Variants in ARHGEF10 observed in about 807,000 individuals in gnomAD.
The protein encoded by ARHGEF10 is Rho guanine nucleotide exchange factor (GEF) 10.
Under a neutral mutation model 147.4 loss-of-function variants are expected in ARHGEF10, and 140 were observed. The ratio of observed to expected loss-of-function variants is 0.95; its 90% CI spans 0.83 to 1.09. The LOEUF is 1.09. Among genes scored for constraint, ARHGEF10 ranks in the 50% least tolerant of loss-of-function variants. The pLI, the probability that ARHGEF10 is intolerant of heterozygous loss-of-function variation, is 0.00. For missense variants in ARHGEF10, 2,222 were observed against 1,752.7 expected (o/e 1.27, Z -4.78); for synonymous variants, 902 against 695.8 (o/e 1.30, Z -4.67).
intron 27 of ARHGEF10, among the ~76,000 whole-genome samples, chr8:1,947,933 ACAGTCCTGCACCCACC>A (rs1041032059): frequency 6.6e-6 from 1 of 151,840 alleles, no homozygotes; most frequent in Non-Finnish European, 1.5e-5. Context: ...AGCACCCAAC[ACAGTCCTGCACCCACC>A]CAGAAACAGA....
chr8:1,944,971 C>T (rs188119051), intron 26 of ARHGEF10, among the ~76,000 whole-genome samples: 92 of 152,386 alleles, frequency 6.0e-4, no homozygotes, highest in African/African-American at 2.2e-3. Context: ...AGCTGCGGGG[C>T]TGCAGCTGAG....
intron 15 of ARHGEF10, among the ~76,000 whole-genome samples, chr8:1,900,392 C>T (rs768061623): frequency 7.9e-5 from 12 of 152,062 alleles, no homozygotes; most frequent in South Asian, 4.1e-4. Context: ...AACTGAGTTA[C>T]GCTCTAGGAA....
chr8:1,876,025 A>G (rs1807668324), intron 7 of ARHGEF10: 1 of 162,062 alleles, frequency 6.2e-6, no homozygotes, highest in Non-Finnish European at 1.4e-5. Flanking sequence ...TTCATTCTCT[A>G]AAAGTCTTGT....
chr8:1,851,887 G>A (rs935597433), intron 2 of ARHGEF10, among the ~76,000 whole-genome samples: 9 of 151,224 alleles, frequency 6.0e-5, no homozygotes, highest in South Asian at 2.1e-4. Context: ...GCACTCCAGC[G>A]CGGGCAACAG....
Position 1,926,387 on chromosome 8 carries a change from C to T in ARHGEF10, c.2621C>T (p.Ala874Val). 6.2e-7 allele frequency: 1 copy of T among 1,613,780 alleles called. No homozygotes were observed. Among genetic ancestry groups the T allele is most frequent in the Non-Finnish European group, 8.5e-7 (1 of 1,179,694 alleles). The part of the protein sequence containing the change: ...AKQQEFKIEC[A>V]AYNPEPYLNN... ...TTTATTCCATTTTAGATTGAATGTG[C>T]TGCTTATAACCCTGAACCTTACCTA... Residue 874 changes from alanine to valine, a missense_variant, in exon 23 of 29, where the codon GCT (alanine) becomes GTT (valine). By Grantham distance (64) the Ala-to-Val change is moderately conservative. Coordinates refer to ENST00000349830, the MANE Select transcript of ARHGEF10 (RefSeq NM_014629.4).
intron 25 of ARHGEF10, among the ~76,000 whole-genome samples, chr8:1,932,327 G>A (rs1464631454): frequency 6.6e-6 from 1 of 152,246 alleles, no homozygotes; most frequent in South Asian, 2.1e-4. Context: ...GTATGCACAC[G>A]TGATTGTGAG....
chr8:1,938,904 A>G, intron 26 of ARHGEF10, among the ~76,000 whole-genome samples: 1 of 149,634 alleles, frequency 6.7e-6, no homozygotes, highest in Non-Finnish European at 1.5e-5. Flanking sequence ...AACACTGTGG[A>G]ATCCCAGTCC....
intron 18 of ARHGEF10, among the ~76,000 whole-genome samples, chr8:1,915,862 C>T (rs1210911144): frequency 1.3e-5 from 2 of 152,244 alleles, no homozygotes; most frequent in South Asian, 2.1e-4. Context: ...ATTCTCATTC[C>T]TAACGGCCTG....
intron 6 of ARHGEF10, among the ~76,000 whole-genome samples, chr8:1,867,016 CTT>C (rs78899210): frequency 1.4e-4 from 19 of 137,816 alleles, no homozygotes; most frequent in Non-Finnish European, 2.5e-4. Context: ...GTGGGCCTCC[CTT>C]TTTTTTTTTT....
At chr8:1,897,951 A>G (rs548661666) in intron 14 of ARHGEF10, among the ~76,000 whole-genome samples, 4 of 152,268 alleles carry the variant, frequency 2.6e-5, no homozygotes, top group Admixed American at 2.0e-4. Context: ...TCCACTGCAC[A>G]GCCCCCTCAG....
At chr8:1,878,084 C>G (rs921176256) in intron 8 of ARHGEF10, among the ~76,000 whole-genome samples, 1 of 152,162 alleles carries the variant, frequency 6.6e-6, no homozygotes, top group Non-Finnish European at 1.5e-5. Flanking sequence ...AGTCAGCTCA[C>G]CTACCCAGTT....
intron 18 of ARHGEF10, among the ~76,000 whole-genome samples, chr8:1,913,746 C>T (rs1811549178): frequency 6.6e-6 from 1 of 152,238 alleles, no homozygotes; most frequent in Admixed American, 6.5e-5. Flanking sequence ...TGCTCTGGCC[C>T]ATTCCGCTTT....
At chr8:1,894,201 C>T (rs190457311) in intron 12 of ARHGEF10, among the ~76,000 whole-genome samples, 192 bp from the exon 13 acceptor site, 405 of 150,492 alleles carry the variant, frequency 2.7e-3, no homozygotes, top group Middle Eastern at 0.01. Flanking sequence ...ATGTCTGAAG[C>T]AGCCATGCCC....
intron 26 of ARHGEF10, 106 bp downstream of exon 26, chr8:1,934,048 C>T (rs1414710525): frequency 6.7e-7 from 1 of 1,499,098 alleles, no homozygotes; most frequent in Non-Finnish European, 9.2e-7. Flanking sequence ...GCTAAATTTC[C>T]TTCTAGCCGG....
rs1427329558 is a variant in ARHGEF10, at chr8:1,914,245, G to A, written c.2143+4775G>A. On this transcript the variant is annotated intron_variant, in intron 18 of 28. Transcript: ENST00000349830. Reference sequence around the variant, plus strand: ...GAGCTGTATTTTTAAAACGTGAAACGGTTCCTCATGAGGCTCCCCTGAGCT... The same window carrying A: ...GAGCTGTATTTTTAAAACGTGAAACAGTTCCTCATGAGGCTCCCCTGAGCT... Among the ~76,000 whole-genome samples the A allele has an allele frequency of 2.0e-5, 3 of 152,208 alleles. No homozygotes were observed. The East Asian group carries it at 5.8e-4, about 29-fold the overall frequency.
In ARHGEF10 at chr8:1,885,002, C is replaced by A. The variant is rs994799553; in HGVS notation, c.1076-599C>A. Reference sequence around the variant, plus strand: ...CTGGTCTTGAGCTCCTAGGCTCAAGCGATTCTACCATCTCGGTCTCCCAAA... The same window carrying A: ...CTGGTCTTGAGCTCCTAGGCTCAAGAGATTCTACCATCTCGGTCTCCCAAA... On this transcript the variant is annotated intron_variant, in intron 10 of 28. Transcript: ENST00000349830. Among the ~76,000 whole-genome samples the A allele has an allele frequency of 2.6e-5, 4 of 152,136 alleles. No individual in the cohort carries two copies. The East Asian group carries it at 5.8e-4, about 22-fold the overall frequency.
chr8:1,957,038 C>A lies in ARHGEF10; in HGVS notation c.3810C>A (p.Ser1270Arg), dbSNP rs770808381. 1 of 1,613,958 alleles carries A rather than the reference C, an allele frequency of 6.2e-7. No homozygotes were observed. Among genetic ancestry groups the A allele is most frequent in the Admixed American group, 1.7e-5 (1 of 60,030 alleles). The change falls in exon 29 of 29, where the codon AGC becomes AGA. Residue 1270 changes from serine to arginine, a missense_variant. Physicochemically the swap from Ser to Arg is moderately radical, Grantham distance 110 (BLOSUM62 -1). Coordinates refer to ENST00000349830, the MANE Select transcript of ARHGEF10 (RefSeq NM_014629.4). Reference protein sequence around the residue: ...SGSLSLSHGSSSLEHRSEDST... With the variant: ...SGSLSLSHGSRSLEHRSEDST... ...CCCTGAGCTTGTCTCACGGCTCCAG[C>A]TCTCTAGAGCACAGATCAGAGGACA... is the stretch of plus-strand genomic sequence containing the variant.
intron 1 of ARHGEF10, among the ~76,000 whole-genome samples, chr8:1,836,396 G>A (rs1366295875): frequency 2.6e-5 from 4 of 152,158 alleles, no homozygotes; most frequent in Non-Finnish European, 4.4e-5. Context: ...AGGGCAGGGA[G>A]AGTGAGCCCC....
At chr8:1,876,073 A>T (rs1436676113) in intron 7 of ARHGEF10, 1 of 168,598 alleles carries the variant, frequency 5.9e-6, no homozygotes, top group Admixed American at 5.6e-5. Flanking sequence ...ATCCGTGTGT[A>T]TTTTCTTGCT....
Sources: gnomAD v4.1 joint callset for allele counts (sites outside exome capture counted in the v4.1 genomes callset) on GRCh38, gnomAD v4.1.1 for gene constraint, MANE v1.5 for transcripts, NCBI Gene and HGNC (gene_info 2026-07-23, HGNC 2026-07-21) for gene names.